The following MACROH2A1 variants were observed in gnomAD, a reference collection of about 807,000 sequenced individuals.
MACROH2A1 encodes the protein macroH2A.1 histone.
In MACROH2A1, 2 loss-of-function variants were observed where a neutral mutation model predicts 31.6. The ratio of observed to expected loss-of-function variants is 0.06; its 90% CI spans 0.03 to 0.20. The LOEUF (loss-of-function observed/expected upper bound fraction) is 0.20, where lower values mean the gene tolerates loss of function less well. MACROH2A1 is among the 10% of genes least tolerant of loss of function. The pLI, the probability that MACROH2A1 is intolerant of heterozygous loss-of-function variation, is 1.00. For missense variants in MACROH2A1, 230 were observed against 474.0 expected, an observed-to-expected ratio of 0.49 and a Z score of 4.78; for synonymous variants, 169 against 189.6, an observed-to-expected ratio of 0.89 and a Z score of 0.89.
At chr5:135,364,792 G>C (rs900482103) in intron 4 of MACROH2A1, among the ~76,000 whole-genome samples, 1 of 152,190 alleles carries the variant, frequency 6.6e-6, no homozygotes, top group Non-Finnish European at 1.5e-5. Flanking sequence ...TCTAATAGTA[G>C]CTTCTCAAAC....
chr5:135,394,101 G>C (rs576081910), intron 1 of MACROH2A1, among the ~76,000 whole-genome samples: 1 of 152,176 alleles, frequency 6.6e-6, no homozygotes, highest in Non-Finnish European at 1.5e-5. Flanking sequence ...ACTAGGAGGG[G>C]CAGTAGGGGC....
chr5:135,347,306 A>G (rs1474695286), intron 6 of MACROH2A1: 1 of 152,244 alleles, frequency 6.6e-6, no homozygotes, highest in African/African-American at 2.4e-5. Context: ...TTTGTCCCAA[A>G]TAAGAACCAG....
At chr5:135,382,598 G>A (rs1301966179) in intron 2 of MACROH2A1, among the ~76,000 whole-genome samples, 1 of 152,124 alleles carries the variant, frequency 6.6e-6, no homozygotes, top group East Asian at 1.9e-4. Context: ...GTAACTTCCT[G>A]GACACAACAC....
chr5:135,361,684 A>C (rs1326470941), intron 4 of MACROH2A1: 2 of 152,220 alleles, frequency 1.3e-5, no homozygotes, highest in Non-Finnish European at 2.9e-5. Context: ...ACAGATGGCC[A>C]TGCTTTCCTG....
At chr5:135,358,688 A>G in intron 5 of MACROH2A1, 1 of 936,436 alleles carries the variant, frequency 1.1e-6, no homozygotes. Flanking sequence ...CCATTTTTAA[A>G]AATAACATTA....
At chr5:135,346,193 G>A in intron 6 of MACROH2A1, 136 bp from the exon 7 acceptor site, 1 of 659,908 alleles carries the variant, frequency 1.5e-6, no homozygotes, top group Non-Finnish European at 2.8e-6. Context: ...ACTAAGCCTT[G>A]GCTAAGTTAA....
intron 2 of MACROH2A1, among the ~76,000 whole-genome samples, chr5:135,381,584 C>T (rs1765655850): frequency 6.6e-6 from 1 of 152,078 alleles, no homozygotes; most frequent in Non-Finnish European, 1.5e-5. Flanking sequence ...CAGTGCACTC[C>T]AGCCTGGACA....
chr5:135,340,537 C>T (rs1759650702), intron 8 of MACROH2A1, among the ~76,000 whole-genome samples: 1 of 152,078 alleles, frequency 6.6e-6, no homozygotes, highest in Non-Finnish European at 1.5e-5. Flanking sequence ...ACCAGAATGG[C>T]TGAGGACAGG....
At chr5:135,377,568 G>A (rs536845426) in intron 2 of MACROH2A1, among the ~76,000 whole-genome samples, 20 of 152,310 alleles carry the variant, frequency 1.3e-4, no homozygotes, top group Non-Finnish European at 2.1e-4. Flanking sequence ...AGGAGGCGAC[G>A]TCTGCAATCG....
chr5:135,358,480 T>A (rs981912492), intron 5 of MACROH2A1: 31 of 985,244 alleles, frequency 3.1e-5, no homozygotes, highest in Non-Finnish European at 3.6e-5. Context: ...GGTAGCCTGG[T>A]GTTTTGTTTT....
At chr5:135,371,403 G>A (rs1025222370) in intron 2 of MACROH2A1, among the ~76,000 whole-genome samples, 1 of 152,160 alleles carries the variant, frequency 6.6e-6, no homozygotes, top group Non-Finnish European at 1.5e-5. Flanking sequence ...TTGACATTCT[G>A]TATGTTTGAA....
chr5:135,348,302 A>T (rs1373988182), intron 6 of MACROH2A1, among the ~76,000 whole-genome samples: 2 of 152,270 alleles, frequency 1.3e-5, no homozygotes, highest in Non-Finnish European at 2.9e-5. Flanking sequence ...ATCATAAAGC[A>T]ATTGGCTTAT....
chr5:135,345,961 A>T lies in MACROH2A1; in HGVS notation c.778+7T>A. The stretch of plus-strand genomic sequence containing the variant: ...ACCAGATAAGCACGGTGGCTTTCCC[A>T]CCTCACCTCCAGCTACTTCCAAGGG... On this transcript the variant is annotated splice_region_variant and intron_variant, in intron 7 of 8. Coordinates refer to ENST00000511689, the MANE Select transcript of MACROH2A1 (RefSeq NM_138610.3). 101 of 1,441,866 alleles carry T rather than the reference A, an allele frequency of 7.0e-5. No homozygotes were observed. The highest frequency in any genetic ancestry group is 1.7e-4 in the Middle Eastern group (1 of 5,732). 89.3% of individuals were successfully genotyped at this position (1,441,866 alleles called of 1,614,324 possible).
intron 2 of MACROH2A1, 128 bp from the exon 3 acceptor site, chr5:135,370,270 A>G (rs1158390218): frequency 1.7e-6 from 1 of 602,704 alleles, no homozygotes; most frequent in Non-Finnish European, 2.9e-6. Context: ...CTGAGGTGAA[A>G]AGCTGTGGGC....
chr5:135,396,767 G>C (rs1487189852), intron 1 of MACROH2A1, among the ~76,000 whole-genome samples: 1 of 152,044 alleles, frequency 6.6e-6, no homozygotes, highest in African/African-American at 2.4e-5. Context: ...CTTAATCACG[G>C]CTGTGTCCCC....
At chr5:135,365,368 A>G (rs1483219727) in intron 4 of MACROH2A1, among the ~76,000 whole-genome samples, 2 of 152,064 alleles carry the variant, frequency 1.3e-5, no homozygotes, top group Non-Finnish European at 2.9e-5. Flanking sequence ...AGTCACTTCA[A>G]TGGCCAAATA....
chr5:135,384,818 A>C, intron 2 of MACROH2A1, among the ~76,000 whole-genome samples: 1 of 152,224 alleles, frequency 6.6e-6, no homozygotes, highest in East Asian at 1.9e-4. Flanking sequence ...TCCTCATTTC[A>C]CGGAGTATAA....
At chr5:135,359,187 G>A in intron 5 of MACROH2A1, 2 of 985,522 alleles carry the variant, frequency 2.0e-6, no homozygotes, top group Non-Finnish European at 2.4e-6. Flanking sequence ...AGAGGCCAGG[G>A]TGGGAGTGCC....
chr5:135,384,617 G>A (rs1766140091), intron 2 of MACROH2A1, among the ~76,000 whole-genome samples: 1 of 152,156 alleles, frequency 6.6e-6, no homozygotes, highest in Non-Finnish European at 1.5e-5. Flanking sequence ...GGAGGAGTGT[G>A]AAGGCTCTGG....
Sources: gnomAD v4.1 joint callset for allele counts (sites outside exome capture counted in the v4.1 genomes callset) on GRCh38, gnomAD v4.1.1 for gene constraint, MANE v1.5 for transcripts, NCBI Gene and HGNC (gene_info 2026-07-23, HGNC 2026-07-21) for gene names.